Variants in PHF2 observed in about 807,000 individuals in gnomAD.
The protein encoded by PHF2 is PHD finger protein 2.
A neutral mutation model predicts 120.5 loss-of-function variants in PHF2; 27 were observed. The ratio of observed to expected loss-of-function variants is 0.22; its 90% confidence interval spans 0.17 to 0.31. The LOEUF (loss-of-function observed/expected upper bound fraction) is 0.31, where lower values mean the gene tolerates loss of function less well. Ranked by LOEUF, PHF2 falls within the 10% of genes least tolerant of loss-of-function variation. The pLI is 1.00. For missense variants in PHF2, 1,024 were observed against 1,434.8 expected (o/e 0.71, Z 4.63); for synonymous variants, 568 against 592.5 (o/e 0.96, Z 0.60).
rs1053147111 is a variant in PHF2, at chr9:93,629,834, T to C, written c.99-136T>C. 3.8e-6 allele frequency: 3 copies of C among 792,366 alleles called. No homozygotes were observed. In the South Asian group the frequency reaches 4.6e-5, roughly 12 times the overall value. The allele number at this position is 792,366 out of a possible 1,614,324, so 49.1% of individuals were successfully genotyped here. ...CCACCCTGCTTTCCTAGTAGAACAC[T>C]GTCCCTGCACAGCTGTGCTCCATCT... On this transcript the variant is annotated intron_variant, in intron 1 of 21. Coordinates refer to ENST00000359246, the MANE Select transcript of PHF2 (RefSeq NM_005392.4).
chr9:93,582,680 T>C (rs1252502637), intron 1 of PHF2, among the ~76,000 whole-genome samples: 1 of 152,196 alleles, frequency 6.6e-6, no homozygotes, highest in East Asian at 1.9e-4. Flanking sequence ...GAAGAACATA[T>C]GAACATATTT....
intron 6 of PHF2, 105 bp downstream of exon 6, chr9:93,653,470 C>T: frequency 3.4e-6 from 4 of 1,186,806 alleles, no homozygotes; most frequent in Non-Finnish European, 4.8e-6. Context: ...TGCGACTCCC[C>T]AGAGGGCCCC....
chr9:93,634,906 T>A (rs1826065091), intron 2 of PHF2, among the ~76,000 whole-genome samples: 1 of 152,210 alleles, frequency 6.6e-6, no homozygotes, highest in Admixed American at 6.5e-5. Flanking sequence ...CAGCAGAGTC[T>A]GGAGCAGACA....
At chr9:93,612,288 A>C (rs1313357930) in intron 1 of PHF2, among the ~76,000 whole-genome samples, 1 of 151,764 alleles carries the variant, frequency 6.6e-6, no homozygotes, top group Non-Finnish European at 1.5e-5. Context: ...TGTGTCTAAA[A>C]TACCAACAGC....
intron 13 of PHF2, 101 bp downstream of exon 13, chr9:93,663,127 A>G: frequency 6.6e-7 from 1 of 1,505,444 alleles, no homozygotes; most frequent in Non-Finnish European, 9.1e-7. Flanking sequence ...GAATGTGCAG[A>G]CATGTGTCTG....
intron 1 of PHF2, among the ~76,000 whole-genome samples, chr9:93,609,574 C>G (rs1825600935): frequency 6.7e-6 from 1 of 150,254 alleles, no homozygotes. Flanking sequence ...TTTCTTTCAA[C>G]ACTTTGAATG....
chr9:93,633,535 G>A (rs762826490), intron 2 of PHF2, among the ~76,000 whole-genome samples: 5 of 152,232 alleles, frequency 3.3e-5, no homozygotes, highest in African/African-American at 7.2e-5. Flanking sequence ...TCACAGGGGC[G>A]CTGTCCTCAT....
At chr9:93,578,021 C>T (rs963790115) in intron 1 of PHF2, among the ~76,000 whole-genome samples, 2 of 152,204 alleles carry the variant, frequency 1.3e-5, no homozygotes, top group African/African-American at 4.8e-5. Context: ...GTCCGGGATT[C>T]TCCTTCCAGA....
chr9:93,667,008 C>G, intron 16 of PHF2, 72 bp from the exon 17 acceptor site: 2 of 1,307,274 alleles, frequency 1.5e-6, no homozygotes, highest in Non-Finnish European at 2.1e-6. Context: ...AAAAAGTATC[C>G]TCCTCCCAAC....
intron 17 of PHF2, among the ~76,000 whole-genome samples, chr9:93,672,163 T>G: frequency 1.7e-5 from 2 of 115,438 alleles, no homozygotes; most frequent in Admixed American, 8.1e-5. Flanking sequence ...CAGGTGTGGG[T>G]GTGGATGTAG....
At chr9:93,665,955 G>A (rs370710249) in intron 15 of PHF2, 35 bp from the exon 16 acceptor site, 38 of 1,612,408 alleles carry the variant, frequency 2.4e-5, no homozygotes, top group Non-Finnish European at 2.9e-5. Flanking sequence ...TCCCCGCAAG[G>A]CCTCCCGCTG....
intron 1 of PHF2, among the ~76,000 whole-genome samples, chr9:93,617,064 C>T (rs910365403): frequency 2.6e-5 from 4 of 152,172 alleles, no homozygotes; most frequent in African/African-American, 4.8e-5. Context: ...TTGTGCTGTT[C>T]GGGAGATCAT....
At chr9:93,661,865 T>C (rs531076335) in intron 12 of PHF2, among the ~76,000 whole-genome samples, 68 of 151,150 alleles carry the variant, frequency 4.5e-4, no homozygotes, top group Middle Eastern at 7.0e-3. Context: ...AATGGATGGA[T>C]GGATGAGCAA....
At chr9:93,603,652 A>G (rs1417572240) in intron 1 of PHF2, among the ~76,000 whole-genome samples, 1 of 152,116 alleles carries the variant, frequency 6.6e-6, no homozygotes, top group Non-Finnish European at 1.5e-5. Context: ...TCTGACCTCA[A>G]TCTGCTGTCA....
At chr9:93,627,004 G>A (rs1382538690) in intron 1 of PHF2, among the ~76,000 whole-genome samples, 2 of 152,194 alleles carry the variant, frequency 1.3e-5, no homozygotes, top group Non-Finnish European at 2.9e-5. Context: ...AAATCAGGAA[G>A]TGTAAGTTTT....
chr9:93,595,824 A>G (rs1487248562), intron 1 of PHF2, among the ~76,000 whole-genome samples: 1 of 152,226 alleles, frequency 6.6e-6, no homozygotes, highest in Non-Finnish European at 1.5e-5. Context: ...CAAAAAGTCA[A>G]CATCCTGATG....
chr9:93,673,862 G>A lies in PHF2; in HGVS notation c.2626G>A (p.Val876Ile), dbSNP rs1016888973. 8.8e-6 allele frequency: 14 copies of A among 1,586,814 alleles called. No homozygotes were observed. Among genetic ancestry groups the A allele is most frequent in the South Asian group, 2.3e-5 (2 of 87,424 alleles). Residue 876 changes from valine to isoleucine, a missense_variant and splice_region_variant, in exon 18 of 22, where the codon GTT (valine) becomes ATT (isoleucine). Physicochemically the swap from Val to Ile is conservative, Grantham distance 29. This residue lies in a region of PHF2 where 677 missense variants were observed against 857.4 expected (regional missense o/e 0.79). Transcript: ENST00000359246. ...LDACFKDSDY[V>I]YPSLESDEDN... ...TGCCTGCTTCAAGGACTCAGACTAC[G>A]GTGAGTGTCACTCCTGCGTGGGGCA...
chr9:93,650,534 C>T (rs1564394859), intron 5 of PHF2, among the ~76,000 whole-genome samples: 1 of 152,208 alleles, frequency 6.6e-6, no homozygotes, highest in Non-Finnish European at 1.5e-5. Context: ...TTGGTTGGCC[C>T]GGTCCCCCTG....
chr9:93,650,962 G>T (rs1468064775), intron 5 of PHF2, among the ~76,000 whole-genome samples: 4 of 152,148 alleles, frequency 2.6e-5, no homozygotes, highest in Non-Finnish European at 4.4e-5. Context: ...GCCACAAAAA[G>T]GTAATATGGT....
Sources: gnomAD v4.1 joint callset for allele counts (sites outside exome capture counted in the v4.1 genomes callset) on GRCh38, gnomAD v4.1.1 for gene constraint, gnomAD v4.1.1 regional missense constraint, MANE v1.5 for transcripts, NCBI Gene and HGNC (gene_info 2026-07-23, HGNC 2026-07-21) for gene names.